Variants in RRM2 observed in about 807,000 individuals in gnomAD.
RRM2 encodes ribonucleoside-diphosphate reductase subunit M2.
In RRM2, 6 loss-of-function variants were observed where a neutral mutation model predicts 45.9. The ratio of observed to expected loss-of-function variants is 0.13; its 90% CI spans 0.07 to 0.26. The LOEUF (loss-of-function observed/expected upper bound fraction) is 0.26, where lower values mean the gene tolerates loss of function less well. Ranked by LOEUF, RRM2 falls within the 10% of genes least tolerant of loss-of-function variation. The pLI is 1.00. For missense variants in RRM2, 343 were observed against 489.5 expected (o/e 0.70, Z 2.82); for synonymous variants, 177 against 173.0 (o/e 1.02, Z -0.18).
At chr2:10,163,056 T>C (rs1443539579) in intron 3 of RRM2, among the ~76,000 whole-genome samples, 4 of 152,204 alleles carry the variant, frequency 2.6e-5, no homozygotes, top group Non-Finnish European at 2.9e-5. Flanking sequence ...TAATTATGTG[T>C]GTGCTTTGTT....
At chr2:10,166,450 C>A (rs901963082) in intron 3 of RRM2, among the ~76,000 whole-genome samples, 2 of 152,246 alleles carry the variant, frequency 1.3e-5, no homozygotes, top group Non-Finnish European at 2.9e-5. Context: ...CTGAACAGAG[C>A]CTGGTCTCTC....
chr2:10,128,980 C>T (rs375249597), intron 8 of RRM2, 28 bp downstream of exon 8: 1 of 1,608,478 alleles, frequency 6.2e-7, no homozygotes, highest in Non-Finnish European at 8.5e-7. Flanking sequence ...ATGGGTCACT[C>T]AAGCTTGCTA....
intron 3 of RRM2, among the ~76,000 whole-genome samples, chr2:10,161,997 A>C (rs1294864818): frequency 6.6e-6 from 1 of 152,224 alleles, no homozygotes; most frequent in Non-Finnish European, 1.5e-5. Context: ...GAGCGCAGCC[A>C]CTGGGCAGCC....
chr2:10,153,562 C>T (rs10197121), intron 3 of RRM2, among the ~76,000 whole-genome samples: 95,528 of 151,822 alleles, frequency 0.63, 30,562 homozygotes, highest in African/African-American at 0.68. Context: ...CCATATAGGC[C>T]GAGGTTTCTG....
rs1662792602 is a variant in RRM2, at chr2:10,126,963, A to C, written c.658A>C (p.Thr220Pro). Residue 220 changes from threonine to proline, a missense_variant, in exon 6 of 10, where the codon ACC becomes CCC. Transcript: ENST00000304567. ...ALRWIGDKEA[T>P]YGERVVAFAA... ...GCGCTGGATTGGGGACAAAGAGGCTACCTATGGTAAGGAGACCCTTGCCCC... is the reference window on the plus strand; with the variant it reads ...GCGCTGGATTGGGGACAAAGAGGCTCCCTATGGTAAGGAGACCCTTGCCCC... The C allele has an allele frequency of 1.9e-6, 3 of 1,613,918 alleles. No individual in the cohort carries two copies. Among genetic ancestry groups the C allele is most frequent in the African/African-American group, 1.3e-5 (1 of 74,916 alleles).
chr2:10,150,381 A>T (rs1199350982), intron 3 of RRM2, among the ~76,000 whole-genome samples: 4 of 151,412 alleles, frequency 2.6e-5, no homozygotes, highest in Non-Finnish European at 5.9e-5. Flanking sequence ...TGGGAGGTGG[A>T]AGTTGCAGTG....
chr2:10,124,842 CAAAG>C lies in RRM2; in HGVS notation c.566_569del (p.Glu189GlyfsTer37). 6.3e-7 allele frequency: 1 copy of C among 1,596,874 alleles called. No individual in the cohort carries two copies. The highest frequency in any genetic ancestry group is 8.6e-7 in the Non-Finnish European group (1 of 1,167,488). ...TTATTGACACTTACATAAAAGATCC[CAAAG>C]AAAGGTGAGTATTCAAGTGGTATGC... is the stretch of plus-strand genomic sequence containing the variant. On this transcript the variant is annotated frameshift_variant, in exon 5 of 10. Transcript: ENST00000304567. LOFTEE classifies it high-confidence loss of function.
intron 4 of RRM2, 103 bp from the exon 5 acceptor site, chr2:10,124,614 T>G: frequency 7.9e-7 from 1 of 1,273,634 alleles, no homozygotes; most frequent in Non-Finnish European, 1.1e-6. Flanking sequence ...TATATAGAAA[T>G]AAACCTTATA....
intron 3 of RRM2, among the ~76,000 whole-genome samples, chr2:10,183,475 C>T (rs1474184496): frequency 6.6e-6 from 1 of 152,216 alleles, no homozygotes; most frequent in Non-Finnish European, 1.5e-5. Context: ...CTCCTGGCTG[C>T]CTGCCCCTCC....
intron 3 of RRM2, among the ~76,000 whole-genome samples, chr2:10,156,868 G>T (rs1663437066): frequency 6.6e-6 from 1 of 152,098 alleles, no homozygotes; most frequent in South Asian, 2.1e-4. Context: ...TGAACAACCA[G>T]GCTCGAGTGA....
chr2:10,153,802 A>G (rs1663368208), intron 3 of RRM2, among the ~76,000 whole-genome samples: 1 of 152,216 alleles, frequency 6.6e-6, no homozygotes, highest in Non-Finnish European at 1.5e-5. Context: ...AACACAGACC[A>G]GTATAGTGGC....
At chr2:10,165,511 CG>C (rs1663659087) in intron 3 of RRM2, among the ~76,000 whole-genome samples, 1 of 152,232 alleles carries the variant, frequency 6.6e-6, no homozygotes, top group Non-Finnish European at 1.5e-5. Flanking sequence ...CACATTTAAC[CG>C]GCTGGGGACC....
In RRM2 at chr2:10,127,331, ATG is replaced by A. The variant is rs922370898; in HGVS notation, c.798+116_798+117del. The A allele has an allele frequency of 5.6e-6, 6 of 1,074,930 alleles. No individual in the cohort carries two copies. The highest frequency in any genetic ancestry group is 2.4e-5 in the Admixed American group (1 of 41,150). The allele number at this position is 1,074,930 out of a possible 1,614,324, so 66.6% of individuals were successfully genotyped here. A position where few individuals can be genotyped will look rare whatever the true frequency, so the allele number is the denominator to read the frequency against. Reference sequence around the variant, plus strand: ...GCTAGATGGCATATATCCACATTTAATGTGTGAGTTCAACCATACACATACTT... The same window carrying A: ...GCTAGATGGCATATATCCACATTTAATGTGAGTTCAACCATACACATACTT... On this transcript the variant is annotated intron_variant, in intron 7 of 9. Transcript: ENST00000304567. The surrounding 1 kb of genome is among the most constrained non-coding windows in gnomAD (Gnocchi z 4.1).
At chr2:10,150,313 G>A (rs1310063256) in intron 3 of RRM2, among the ~76,000 whole-genome samples, 1 of 152,086 alleles carries the variant, frequency 6.6e-6, no homozygotes. Context: ...CAGGCACGGT[G>A]GCAGGTGCTT....
intron 3 of RRM2, among the ~76,000 whole-genome samples, chr2:10,192,123 G>GC (rs1205543048): frequency 8.8e-4 from 1 of 1,142 alleles, no homozygotes; most frequent in African/African-American, 2.5e-3. Context: ...AGAGCTCCCG[G>GC]AGCCGCAGCC....
Position 10,129,625 on chromosome 2 carries a change from T to G in RRM2, c.*239T>G. On this transcript the variant is annotated 3_prime_UTR_variant, in exon 10 of 10. Coordinates refer to ENST00000304567, the MANE Select transcript of RRM2 (RefSeq NM_001034.4). The surrounding 1 kb of genome is among the most constrained non-coding windows in gnomAD (Gnocchi z 4.8). ...ACCATAGCAGTGACAATGGCAGTCTTGGCTTTAAAGTGAGGGGTGACCCTT... is the reference window on the plus strand; with the variant it reads ...ACCATAGCAGTGACAATGGCAGTCTGGGCTTTAAAGTGAGGGGTGACCCTT... The G allele has an allele frequency of 1.9e-6, 1 of 517,402 alleles. No homozygotes were observed. Among genetic ancestry groups the G allele is most frequent in the Non-Finnish European group, 3.4e-6 (1 of 294,238 alleles). The allele number at this position is 517,402 out of a possible 1,614,324, so 32.1% of individuals were successfully genotyped here.
At chr2:10,142,776 C>G (rs984402137) in intron 3 of RRM2, among the ~76,000 whole-genome samples, 1 of 152,222 alleles carries the variant, frequency 6.6e-6, no homozygotes, top group Non-Finnish European at 1.5e-5. Context: ...TGAGCCCCTC[C>G]CCTCACCGCA....
chr2:10,193,906 G>A (rs1664360845), intron 3 of RRM2, among the ~76,000 whole-genome samples: 1 of 152,194 alleles, frequency 6.6e-6, no homozygotes, highest in Admixed American at 6.5e-5. Flanking sequence ...TTGGCACAGG[G>A]AGGTCCCTAG....
At chr2:10,177,707 C>CT (rs1558398467) in intron 3 of RRM2, among the ~76,000 whole-genome samples, 1 of 148,142 alleles carries the variant, frequency 6.8e-6, no homozygotes, top group African/African-American at 2.6e-5. Context: ...TCCTTCCTTC[C>CT]TCTCTCCCTC....
Sources: allele counts gnomAD v4.1 joint callset (sites outside exome capture counted in the v4.1 genomes callset), GRCh38; gene constraint gnomAD v4.1.1; non-coding constraint Gnocchi (gnomAD v3.1); transcripts MANE v1.5; gene names NCBI Gene and HGNC (gene_info 2026-07-23, HGNC 2026-07-21).